The following ANO6 variants were observed in gnomAD, a reference collection of about 807,000 sequenced individuals.
ANO6 encodes the protein anoctamin 6.
In ANO6, 106 loss-of-function variants were observed where a neutral mutation model predicts 117.5. That is an observed-to-expected ratio of 0.90 (90% CI 0.77 to 1.06). The LOEUF (loss-of-function observed/expected upper bound fraction) is 1.06. Among genes scored for constraint, ANO6 ranks in the 50% least tolerant of loss-of-function variants. The pLI is 0.00. For missense variants in ANO6, 955 were observed against 1,121.1 expected, an observed-to-expected ratio of 0.85 and a Z score of 2.12; for synonymous variants, 367 against 385.1, an observed-to-expected ratio of 0.95 and a Z score of 0.55.
At chr12:45,411,457 G>A (rs941868044) in intron 16 of ANO6, among the ~76,000 whole-genome samples, 1 of 152,228 alleles carries the variant, frequency 6.6e-6, no homozygotes, top group African/African-American at 2.4e-5. Flanking sequence ...CAACAGGAGA[G>A]TGAAATCTGT....
downstream of ANO6, among the ~76,000 whole-genome samples, chr12:45,434,470 A>G (rs1418431761): frequency 1.3e-5 from 2 of 152,160 alleles, no homozygotes; most frequent in African/African-American, 4.8e-5. Flanking sequence ...ATCAAATTTT[A>G]CCTTCAAGTA....
chr12:45,295,141 C>A (rs906798092), intron 1 of ANO6, among the ~76,000 whole-genome samples: 1 of 152,232 alleles, frequency 6.6e-6, no homozygotes, highest in African/African-American at 2.4e-5. Context: ...AATACATAGC[C>A]ATCATGCTCT....
At chr12:45,326,823 T>C (rs1940483027) in intron 2 of ANO6, among the ~76,000 whole-genome samples, 1 of 152,216 alleles carries the variant, frequency 6.6e-6, no homozygotes, top group African/African-American at 2.4e-5. Flanking sequence ...TCACAGTGGC[T>C]GTAAATCACA....
chr12:45,356,448 A>T (rs1941414221), intron 7 of ANO6, among the ~76,000 whole-genome samples: 1 of 152,198 alleles, frequency 6.6e-6, no homozygotes, highest in Admixed American at 6.5e-5. Context: ...TAAACTTTTA[A>T]TGGTCTGCTG....
At chr12:45,255,489 A>G (rs1937777695) in intron 1 of ANO6, among the ~76,000 whole-genome samples, 1 of 152,176 alleles carries the variant, frequency 6.6e-6, no homozygotes, top group Non-Finnish European at 1.5e-5. Flanking sequence ...CAGGGACTCC[A>G]TCTCAAAAAA....
At chr12:45,289,754 T>C (rs1487045886) in intron 1 of ANO6, among the ~76,000 whole-genome samples, 1 of 152,232 alleles carries the variant, frequency 6.6e-6, no homozygotes, top group Non-Finnish European at 1.5e-5. Flanking sequence ...TGAGACCCTA[T>C]GGGGTCTTTC....
At chr12:45,269,705 T>C (rs1176641702) in intron 1 of ANO6, among the ~76,000 whole-genome samples, 2 of 152,214 alleles carry the variant, frequency 1.3e-5, no homozygotes, top group African/African-American at 4.8e-5. Context: ...AAGTATTCCA[T>C]TGAATCTTAA....
At chr12:45,373,700 A>G (rs1394297188) in intron 9 of ANO6, among the ~76,000 whole-genome samples, 1 of 152,208 alleles carries the variant, frequency 6.6e-6, no homozygotes, top group Non-Finnish European at 1.5e-5. Context: ...TCTCTGGGAC[A>G]CATTCAAAGC....
chr12:45,279,636 G>A lies in ANO6; in HGVS notation c.71-22378G>A, dbSNP rs115322992. On this transcript the variant is annotated intron_variant, in intron 1 of 19. Transcript: ENST00000320560. ...GAGTACGTGGAAAGCCCCTGGGTCA[G>A]TGTTTAGGACACTTGGGTTCCATTC... Among the ~76,000 whole-genome samples, 566 of 152,364 alleles carry A rather than the reference G, an allele frequency of 3.7e-3. 1 individual carries two copies. Among genetic ancestry groups the A allele is most frequent in the African/African-American group, 0.013 (543 of 41,582 alleles).
chr12:45,248,213 C>G (rs1947852953), intron 1 of ANO6, among the ~76,000 whole-genome samples: 1 of 152,100 alleles, frequency 6.6e-6, no homozygotes, highest in South Asian at 2.1e-4. Flanking sequence ...TTACAGTTAA[C>G]AAAGCACTTG....
chr12:45,368,690 G>A (rs144851125), intron 9 of ANO6, among the ~76,000 whole-genome samples: 22 of 152,234 alleles, frequency 1.4e-4, no homozygotes, highest in African/African-American at 5.1e-4. Flanking sequence ...GCTTCCCTCC[G>A]ATGATCTTCT....
chr12:45,266,145 G>A (rs1333538035), intron 1 of ANO6, among the ~76,000 whole-genome samples: 1 of 152,098 alleles, frequency 6.6e-6, no homozygotes, highest in East Asian at 1.9e-4. Context: ...TTATCTTTGG[G>A]TTGTGATCTT....
intron 9 of ANO6, among the ~76,000 whole-genome samples, chr12:45,372,822 G>A (rs1941884624): frequency 1.3e-5 from 2 of 152,140 alleles, no homozygotes; most frequent in South Asian, 4.1e-4. Flanking sequence ...AAAATCACCA[G>A]CTAACATCAT....
At chr12:45,367,988 C>A (rs1941729416) in intron 9 of ANO6, among the ~76,000 whole-genome samples, 195 bp downstream of exon 9, 1 of 152,038 alleles carries the variant, frequency 6.6e-6, no homozygotes, top group Admixed American at 6.5e-5. Flanking sequence ...TGATTTAAGA[C>A]CTTAGATAAA....
At chr12:45,267,351 GCACACTCT>G (rs1278634752) in intron 1 of ANO6, among the ~76,000 whole-genome samples, 3 of 151,974 alleles carry the variant, frequency 2.0e-5, no homozygotes, top group East Asian at 1.9e-4. Context: ...TTGGATTAGG[GCACACTCT>G]CACACTCTCA....
chr12:45,390,406 T>G lies in ANO6; in HGVS notation c.1309-15T>G, dbSNP rs370432937. 4 of 1,608,706 alleles carry G rather than the reference T, an allele frequency of 2.5e-6. No homozygotes were observed. The highest frequency in any genetic ancestry group is 3.4e-6 in the Non-Finnish European group (4 of 1,175,202). ...AATCCCTTGATTGACTAAACTTTTT[T>G]GTTTTTGTAATTAGGAAGAAGAACG... On this transcript the variant is annotated splice_polypyrimidine_tract_variant and intron_variant, in intron 11 of 19. Coordinates refer to ENST00000320560, the MANE Select transcript of ANO6 (RefSeq NM_001025356.3).
chr12:45,390,736 C>T (rs1025819888), intron 12 of ANO6, among the ~76,000 whole-genome samples: 2 of 147,078 alleles, frequency 1.4e-5, no homozygotes, highest in Non-Finnish European at 1.5e-5. Context: ...TTCACCTCAT[C>T]TGTTAAATCA....
At chr12:45,421,373 T>C in intron 18 of ANO6, 100 bp downstream of exon 18, 1 of 1,245,292 alleles carries the variant, frequency 8.0e-7, no homozygotes, top group Non-Finnish European at 1.1e-6. Flanking sequence ...TTTTTATTTC[T>C]TTATAACTTC....
chr12:45,430,728 G>T lies in ANO6; in HGVS notation c.*1417G>T, dbSNP rs1474453718. The T allele has an allele frequency of 4.1e-6, 4 of 985,252 alleles. No individual in the cohort carries two copies. In the African/African-American group the frequency reaches 5.2e-5, roughly 13 times the overall value. 61.0% of individuals were successfully genotyped at this position (985,252 alleles called of 1,614,324 possible). ...ACTCCTGTCTTGCCATGCACGTCTT[G>T]CCCCCTCACTTTTGCTCAGCCTAGC... On this transcript the variant is annotated 3_prime_UTR_variant, in exon 20 of 20. Coordinates refer to ENST00000320560, the MANE Select transcript of ANO6 (RefSeq NM_001025356.3).
Sources: allele counts gnomAD v4.1 joint callset (sites outside exome capture counted in the v4.1 genomes callset), GRCh38; gene constraint gnomAD v4.1.1; transcripts MANE v1.5; gene names NCBI Gene and HGNC (gene_info 2026-07-23, HGNC 2026-07-21).